Variants in BOD1L1 observed in about 807,000 individuals in gnomAD.
The protein encoded by BOD1L1 is biorientation of chromosomes in cell division 1 like 1.
BOD1L1 carries 86 observed loss-of-function variants against 240.7 expected under a neutral mutation model. The observed-to-expected ratio is 0.36, with a 90% CI of 0.30 to 0.43. The LOEUF (loss-of-function observed/expected upper bound fraction) is 0.43. BOD1L1 is among the 20% of genes least tolerant of loss of function. The pLI, the probability that BOD1L1 is intolerant of heterozygous loss-of-function variation, is 1.00. For missense variants in BOD1L1, 3,554 were observed against 3,643.5 expected, an observed-to-expected ratio of 0.98 and a Z score of 0.63; for synonymous variants, 1,268 against 1,272.3, an observed-to-expected ratio of 1.00 and a Z score of 0.07.
intron 1 of BOD1L1, 37 bp downstream of exon 1, chr4:13,627,308 T>C (rs1577393271): frequency 5.1e-6 from 6 of 1,176,426 alleles, no homozygotes; most frequent in Admixed American, 4.1e-5. Context: ...GGTCCTCCCC[T>C]TCCCTCGCAG....
intron 17 of BOD1L1, among the ~76,000 whole-genome samples, chr4:13,583,664 C>CT (rs1398468490): frequency 6.6e-6 from 1 of 152,194 alleles, no homozygotes; most frequent in African/African-American, 2.4e-5. Context: ...TGACACAGAG[C>CT]TTCTGCTACT....
rs1383330917 is a variant in BOD1L1 at position 13,600,581 on chromosome 4, C to A, written c.6319G>T (p.Gly2107Cys). The change falls in exon 10 of 26, where the codon GGT becomes TGT. Residue 2107 changes from glycine to cysteine, a missense_variant. Gly to Cys is a radical substitution (Grantham distance 159). Around this residue, in one of 2 missense-constraint regions of BOD1L1, gnomAD observed 3,393 missense variants for 3,427.1 expected, o/e 0.99. Transcript: ENST00000040738. ...DALRTEENME[G>C]TRVTTEEFEA... ...AATTCTTCTGTGGTTACTCTGGTAC[C>A]TTCCATATTTTCTTCAGTTCTCAGA... 2 of 1,613,606 alleles carry A rather than the reference C, an allele frequency of 1.2e-6. No individual in the cohort carries two copies. Among genetic ancestry groups the A allele is most frequent in the African/African-American group, 2.7e-5 (2 of 74,848 alleles).
intron 12 of BOD1L1, 101 bp from the exon 13 acceptor site, chr4:13,592,067 T>G: frequency 1.3e-6 from 1 of 781,744 alleles, no homozygotes; most frequent in Non-Finnish European, 2.0e-6. Flanking sequence ...CTATCCTATG[T>G]CACCAAGTGG....
chr4:13,593,646 T>A (rs891965049), intron 12 of BOD1L1: 2 of 152,182 alleles, frequency 1.3e-5, no homozygotes, highest in Non-Finnish European at 2.9e-5. Context: ...CACAGTCAAG[T>A]ACGTATCTTT....
chr4:13,604,746 C>A lies in BOD1L1; in HGVS notation c.2154G>T (p.Lys718Asn). The A allele has an allele frequency of 4.3e-6, 7 of 1,612,654 alleles. No individual in the cohort carries two copies. Among genetic ancestry groups the A allele is most frequent in the Non-Finnish European group, 5.1e-6 (6 of 1,179,668 alleles). ...TCTCCTTGGAGGATTTCACCTCTTT[C>A]TTAAGTAGGCTTTTCAAATGTGGTG... ...SETPHLKSLLKKEVKSSKEKP... is the reference protein window; with the variant it reads ...SETPHLKSLLNKEVKSSKEKP... Residue 718 changes from lysine (K) to asparagine (N), a missense_variant, in exon 10 of 26, where the codon AAG becomes AAT. Coordinates refer to ENST00000040738, the MANE Select transcript of BOD1L1 (RefSeq NM_148894.3).
At chr4:13,580,084 C>T (rs1209866051) in intron 21 of BOD1L1, 111 bp from the exon 22 acceptor site, 5 of 724,842 alleles carry the variant, frequency 6.9e-6, no homozygotes, top group Middle Eastern at 2.9e-4. Context: ...TTTACATAGG[C>T]GTATTTGAGA....
intron 25 of BOD1L1, among the ~76,000 whole-genome samples, chr4:13,573,760 G>T (rs1372575786): frequency 1.3e-5 from 2 of 152,284 alleles, no homozygotes; most frequent in Middle Eastern, 3.4e-3. Flanking sequence ...CCGGCCTTAA[G>T]TGAGCCACCA....
chr4:13,627,492 G>T lies in BOD1L1; in HGVS notation c.96C>A (p.Pro32=). The part of the protein sequence containing the change: ...QPQPPPPPPG[P]GAGPGAGGAG... ...CCCCGCCCGCGCCGGGGCCAGCCCC[G>T]GGGCCCGGCGGCGGCGGCGGTGGCT... Residue 32 remains proline, a synonymous_variant, in exon 1 of 26, where the codon CCC becomes CCA. Coordinates refer to ENST00000040738, the MANE Select transcript of BOD1L1 (RefSeq NM_148894.3). 1 of 997,750 alleles carries T rather than the reference G, an allele frequency of 1.0e-6. No homozygotes were observed. The highest frequency in any genetic ancestry group is 1.2e-6 in the Non-Finnish European group (1 of 839,362). The allele number at this position is 997,750 out of a possible 1,614,324, so 61.8% of individuals were successfully genotyped here.
At chr4:13,585,955 T>C (rs899668084) in intron 17 of BOD1L1, among the ~76,000 whole-genome samples, 5 of 152,188 alleles carry the variant, frequency 3.3e-5, no homozygotes, top group African/African-American at 1.2e-4. Context: ...CCTTTATAAA[T>C]TACCCAGTCT....
rs200674060 is a variant in BOD1L1 at position 13,615,325 on chromosome 4, G to C, written c.546C>G (p.Ser182=). ...TAPDDEKPDT[S]LITQGVPTPG... The stretch of plus-strand genomic sequence containing the variant: ...AAAGCAAAGCACCTTGTGTAATAAG[G>C]GAAGTGTCTGGTTTCTCATCATCGG... The change falls in exon 3 of 26, where the codon TCC becomes TCG. Residue 182 remains serine, a synonymous_variant. Coordinates refer to ENST00000040738, the MANE Select transcript of BOD1L1 (RefSeq NM_148894.3). The C allele has an allele frequency of 6.2e-7, 1 of 1,610,254 alleles. No homozygotes were observed. Among genetic ancestry groups the C allele is most frequent in the East Asian group, 2.2e-5 (1 of 44,810 alleles).
Position 13,614,280 on chromosome 4 carries a change from CTTGT to C in BOD1L1, c.1086_1089del (p.Ala364ArgfsTer5). 6.5e-7 allele frequency: 1 copy of C among 1,546,878 alleles called. No homozygotes were observed. The highest frequency in any genetic ancestry group is 1.2e-5 in the South Asian group (1 of 82,540). On this transcript the variant is annotated frameshift_variant, in exon 4 of 26. Coordinates refer to ENST00000040738, the MANE Select transcript of BOD1L1 (RefSeq NM_148894.3). LOFTEE classifies it high-confidence loss of function. ...AAACTCTCTACTTCTTTTTCCTTTG[CTTGT>C]TTTTCATCTTTAACTTTCTGTGTAT...
rs1206717449 is a variant in BOD1L1 at position 13,572,153 on chromosome 4, G to A, written c.9039-2025C>T. Among the ~76,000 whole-genome samples the A allele has an allele frequency of 5.3e-5, 8 of 152,210 alleles. No individual in the cohort carries two copies. In the South Asian group the frequency reaches 1.7e-3, roughly 32 times the overall value. On this transcript the variant is annotated intron_variant, in intron 25 of 25. Coordinates refer to ENST00000040738, the MANE Select transcript of BOD1L1 (RefSeq NM_148894.3). ...CAAGTGCCCAGTACTGACCAGAAGT[G>A]CAGCAAGAAGAGATGAAAATGGGCT...
intron 21 of BOD1L1, 88 bp downstream of exon 21, chr4:13,580,932 A>T (rs1356308510): frequency 5.6e-6 from 7 of 1,260,664 alleles, no homozygotes; most frequent in Non-Finnish European, 6.5e-6. Flanking sequence ...AGTAAAAAAA[A>T]TAAAGTTCAA....
At chr4:13,571,313 G>A (rs1214192806) in intron 25 of BOD1L1, among the ~76,000 whole-genome samples, 1 of 152,204 alleles carries the variant, frequency 6.6e-6, no homozygotes, top group African/African-American at 2.4e-5. Context: ...TGCAGGAGAT[G>A]GAGAAATGGG....
At chr4:13,593,932 T>A (rs1714411856) in intron 12 of BOD1L1, among the ~76,000 whole-genome samples, 1 of 152,190 alleles carries the variant, frequency 6.6e-6, no homozygotes, top group Non-Finnish European at 1.5e-5. Flanking sequence ...GTCACAGTAA[T>A]TCGTTTAGGG....
intron 25 of BOD1L1, among the ~76,000 whole-genome samples, chr4:13,576,231 G>A (rs777316975): frequency 1.3e-5 from 2 of 152,076 alleles, no homozygotes; most frequent in Non-Finnish European, 2.9e-5. Flanking sequence ...ATATTTTAAT[G>A]AACATGTAAC....
At chr4:13,582,558 G>T in intron 18 of BOD1L1, 94 bp downstream of exon 18, 4 of 964,808 alleles carry the variant, frequency 4.1e-6, no homozygotes, top group Non-Finnish European at 1.6e-6. Flanking sequence ...TATTACACAG[G>T]AAAAGTAAAT....
chr4:13,588,047 G>C (rs1006726443), intron 15 of BOD1L1, among the ~76,000 whole-genome samples: 1 of 152,038 alleles, frequency 6.6e-6, no homozygotes, highest in African/African-American at 2.4e-5. Flanking sequence ...AATTAGCTGG[G>C]CGTGGTGGCG....
chr4:13,619,675 G>T (rs1225592459), intron 2 of BOD1L1, among the ~76,000 whole-genome samples: 2 of 152,070 alleles, frequency 1.3e-5, no homozygotes, highest in Non-Finnish European at 2.9e-5. Context: ...ATTATATCTA[G>T]ATTTTTTAGA....
Sources: allele counts gnomAD v4.1 joint callset (sites outside exome capture counted in the v4.1 genomes callset), GRCh38; gene constraint gnomAD v4.1.1; regional missense constraint gnomAD v4.1.1; transcripts MANE v1.5; gene names NCBI Gene and HGNC (gene_info 2026-07-23, HGNC 2026-07-21).